RABL2A: variants seen among roughly 807,000 people sequenced by gnomAD.
The protein encoded by RABL2A is rab-like protein 2A.
Under a neutral mutation model 30.7 loss-of-function variants are expected in RABL2A, and 17 were observed. The observed-to-expected ratio is 0.55, with a 90% CI of 0.38 to 0.83. The LOEUF is 0.83. Among genes scored for constraint, RABL2A ranks in the 40% least tolerant of loss-of-function variants. RABL2A has a pLI of 0.00. For synonymous variants in RABL2A, 64 were observed against 101.8 expected, an observed-to-expected ratio of 0.63 and a Z score of 2.24; for missense variants, 155 against 272.6, an observed-to-expected ratio of 0.57 and a Z score of 3.04.
intron 4 of RABL2A, 98 bp from the exon 5 acceptor site, chr2:113,634,953 C>G: frequency 2.3e-6 from 3 of 1,319,798 alleles, no homozygotes; most frequent in Non-Finnish European, 3.3e-6. Context: ...CATGTACACT[C>G]ACACATGTGC....
chr2:113,628,166 A>G (rs1678842159), intron 1 of RABL2A, among the ~76,000 whole-genome samples: 1 of 151,212 alleles, frequency 6.6e-6, no homozygotes, highest in Admixed American at 6.6e-5. Flanking sequence ...TCTCATCATC[A>G]TATCATTTCT....
At chr2:113,636,664 A>G (rs1574050409) in intron 5 of RABL2A, among the ~76,000 whole-genome samples, 1 of 152,348 alleles carries the variant, frequency 6.6e-6, no homozygotes, top group East Asian at 1.9e-4. Flanking sequence ...TGGGATGGAC[A>G]GGTTGCCACC....
At chr2:113,628,436 A>G (rs975530966) in intron 1 of RABL2A, 118 bp from the exon 2 acceptor site, 28 of 780,388 alleles carry the variant, frequency 3.6e-5, no homozygotes, top group African/African-American at 7.3e-5. Flanking sequence ...CTAGTAGCCA[A>G]TTGCATACCA....
intron 5 of RABL2A, among the ~76,000 whole-genome samples, chr2:113,636,999 AAAAAAT>A (rs1683099594): frequency 6.8e-6 from 1 of 146,020 alleles, no homozygotes; most frequent in Admixed American, 6.9e-5. Context: ...AAAAAAAATA[AAAAAAT>A]AAAAAAATAA....
chr2:113,641,695 T>C, intron 7 of RABL2A, 86 bp from the exon 8 acceptor site: 2 of 601,882 alleles, frequency 3.3e-6, no homozygotes, highest in Non-Finnish European at 2.9e-6. Flanking sequence ...AGGAATGGAG[T>C]ATTGTGTAGT....
At chr2:113,640,565 C>T (rs1389313783) in intron 5 of RABL2A, 33 of 320,880 alleles carry the variant, frequency 1.0e-4, no homozygotes, top group Admixed American at 3.5e-4. Flanking sequence ...TTAGTAGAGA[C>T]GGAATTTCAC....
chr2:113,640,827 T>C lies in RABL2A; in HGVS notation c.298-67T>C, dbSNP rs868617298. 1.6e-4 allele frequency: 259 copies of C among 1,595,246 alleles called. No homozygotes were observed. The Middle Eastern group carries it at 2.8e-3, about 18-fold the overall frequency. Reference sequence around the variant, plus strand: ...ATGCTTACCTGCTTGGGTGTGTGAGTCACCTGGAGATGGGGTGCAGAAACA... The same window carrying C: ...ATGCTTACCTGCTTGGGTGTGTGAGCCACCTGGAGATGGGGTGCAGAAACA... On this transcript the variant is annotated intron_variant, in intron 5 of 8. Coordinates refer to ENST00000683472, the MANE Select transcript of RABL2A (RefSeq NM_001306158.2).
At chr2:113,636,214 G>A (rs181861342) in intron 5 of RABL2A, among the ~76,000 whole-genome samples, 1 of 152,236 alleles carries the variant, frequency 6.6e-6, no homozygotes, top group East Asian at 1.9e-4. Flanking sequence ...TGAAAACCTC[G>A]GTCACTAAAA....
At position 113,634,233 on chromosome 2, in the gene RABL2A, G is replaced by A; in HGVS notation, c.217+1G>A. 2 of 1,610,454 alleles carry A rather than the reference G, an allele frequency of 1.2e-6. No individual in the cohort carries two copies. The highest frequency in any genetic ancestry group is 1.1e-5 in the South Asian group (1 of 90,192). Reference sequence around the variant, plus strand: ...GTAGATGGCAAGACCATCCTTGTGGGTAAGTGGCACAGGGCCAAGACATGC... The same window carrying A: ...GTAGATGGCAAGACCATCCTTGTGGATAAGTGGCACAGGGCCAAGACATGC... On this transcript the variant is annotated splice_donor_variant, in intron 4 of 8. Transcript: ENST00000683472. LOFTEE classifies it high-confidence loss of function.
chr2:113,641,295 C>T (rs1186742872), intron 6 of RABL2A, 58 bp from the exon 7 acceptor site: 1 of 1,611,196 alleles, frequency 6.2e-7, no homozygotes, highest in East Asian at 2.2e-5. Flanking sequence ...CCAGTGGCCC[C>T]CCCTCCAAAC....
At chr2:113,632,866 A>G (rs1680944215) in intron 2 of RABL2A, 49 bp from the exon 3 acceptor site, 3 of 1,614,142 alleles carry the variant, frequency 1.9e-6, no homozygotes, top group Non-Finnish European at 1.7e-6. Flanking sequence ...GTCTGGGACA[A>G]GGGAGAGATG....
chr2:113,635,451 A>G (rs908744870), intron 5 of RABL2A: 7 of 416,278 alleles, frequency 1.7e-5, no homozygotes, highest in Non-Finnish European at 2.3e-5. Context: ...CTGTCAGACA[A>G]GCTCCCAAGG....
intron 6 of RABL2A, 94 bp downstream of exon 6, chr2:113,641,099 G>T (rs1253474699): frequency 4.9e-6 from 6 of 1,227,290 alleles, no homozygotes; most frequent in Non-Finnish European, 6.9e-6. Context: ...AACCTTCAGT[G>T]ATTGGTCCTC....
At chr2:113,634,468 C>T (rs1364717031) in intron 4 of RABL2A, 1 of 564,764 alleles carries the variant, frequency 1.8e-6, no homozygotes, top group African/African-American at 1.9e-5. Flanking sequence ...CTGTGCAGGA[C>T]AGGGTTCAGG....
chr2:113,640,920 C>T lies in RABL2A; in HGVS notation c.324C>T (p.Thr108=). Residue 108 remains threonine (T), a synonymous_variant, in exon 6 of 9, where the codon ACC becomes ACT. Transcript: ENST00000683472. Reference sequence around the variant, plus strand: ...TGTTTGATATACAGAGGAAAGTCACCTATAGGAACCTGAGCACCTGGTATA... The same window carrying T: ...TGTTTGATATACAGAGGAAAGTCACTTATAGGAACCTGAGCACCTGGTATA... ...IMVFDIQRKV[T]YRNLSTWYTE... 2 of 1,613,852 alleles carry T rather than the reference C, an allele frequency of 1.2e-6. No homozygotes were observed. The highest frequency in any genetic ancestry group is 1.7e-6 in the Non-Finnish European group (2 of 1,179,850).
chr2:113,628,361 A>C, intron 1 of RABL2A, 193 bp from the exon 2 acceptor site: 1 of 376,982 alleles, frequency 2.7e-6, no homozygotes, highest in Non-Finnish European at 4.7e-6. Flanking sequence ...TGGGGTGCGC[A>C]GGACTTAACT....
intron 2 of RABL2A, among the ~76,000 whole-genome samples, chr2:113,628,951 C>A (rs535364974): frequency 2.6e-5 from 4 of 151,528 alleles, no homozygotes; most frequent in Non-Finnish European, 4.4e-5. Context: ...CCTGAGAGAA[C>A]GTGTGGAGCA....
chr2:113,627,684 G>A (rs1182695564), intron 1 of RABL2A, among the ~76,000 whole-genome samples: 1 of 152,228 alleles, frequency 6.6e-6, no homozygotes, highest in African/African-American at 2.4e-5. Flanking sequence ...CAGGGATGCC[G>A]AGGAGGGAGG....
At chr2:113,641,260 A>G in intron 6 of RABL2A, 93 bp from the exon 7 acceptor site, 1 of 1,584,566 alleles carries the variant, frequency 6.3e-7, no homozygotes, top group Non-Finnish European at 8.6e-7. Context: ...ATCCCTGCCT[A>G]TCCCACTTTC....
Sources: gnomAD v4.1 joint callset for allele counts (sites outside exome capture counted in the v4.1 genomes callset) on GRCh38, gnomAD v4.1.1 for gene constraint, MANE v1.5 for transcripts, NCBI Gene and HGNC (gene_info 2026-07-23, HGNC 2026-07-21) for gene names.